Variants in INPP5A observed in about 807,000 individuals in gnomAD.
INPP5A encodes 43 kDa inositol polyphosphate 5-phophatase.
A neutral mutation model predicts 65.2 loss-of-function variants in INPP5A; 14 were observed. The ratio of observed to expected loss-of-function variants is 0.21; its 90% CI spans 0.14 to 0.34. The LOEUF (loss-of-function observed/expected upper bound fraction) is 0.34, where lower values mean the gene tolerates loss of function less well. Among genes scored for constraint, INPP5A ranks in the 10% least tolerant of loss-of-function variants. The pLI is 1.00. For synonymous variants in INPP5A, 207 were observed against 208.3 expected, an observed-to-expected ratio of 0.99 and a Z score of 0.05; for missense variants, 431 against 545.6, an observed-to-expected ratio of 0.79 and a Z score of 2.09.
chr10:132,622,044 G>A lies in INPP5A; in HGVS notation c.117+14088G>A, dbSNP rs73401209. On this transcript the variant is annotated intron_variant, in intron 2 of 15. Coordinates refer to ENST00000368594, the MANE Select transcript of INPP5A (RefSeq NM_005539.5). ...TAAAACTTTACTATTACTATTAAGT[G>A]GATTTATTTAGTTTTCAACATACAA... Among the ~76,000 whole-genome samples, 434 of 152,216 alleles carry A rather than the reference G, an allele frequency of 2.9e-3. 2 individuals are homozygous for A. Among genetic ancestry groups the A allele is most frequent in the African/African-American group, 1.0e-2 (415 of 41,532 alleles).
chr10:132,695,865 G>T (rs1342767572), intron 5 of INPP5A, among the ~76,000 whole-genome samples: 1 of 152,202 alleles, frequency 6.6e-6, no homozygotes, highest in East Asian at 1.9e-4. Context: ...AATGGAGAGA[G>T]ATTTCATCTT....
chr10:132,659,957 T>G lies in INPP5A; in HGVS notation c.306+9452T>G, dbSNP rs945608664. ...ATACAACACATGACACGCGGCATACTCCCTGTGACATGGCACATGACACGT... is the reference window on the plus strand; with the variant it reads ...ATACAACACATGACACGCGGCATACGCCCTGTGACATGGCACATGACACGT... On this transcript the variant is annotated intron_variant, in intron 4 of 15. Coordinates refer to ENST00000368594, the MANE Select transcript of INPP5A (RefSeq NM_005539.5). The surrounding 1 kb of genome is among the most constrained non-coding windows in gnomAD (Gnocchi z 5.5). Among the ~76,000 whole-genome samples the G allele has an allele frequency of 6.6e-6, 1 of 152,218 alleles. No individual in the cohort carries two copies. Among genetic ancestry groups the G allele is most frequent in the Non-Finnish European group, 1.5e-5 (1 of 68,034 alleles).
chr10:132,755,638 G>T (rs1191256101), intron 11 of INPP5A, among the ~76,000 whole-genome samples: 2 of 151,914 alleles, frequency 1.3e-5, no homozygotes, highest in East Asian at 3.9e-4. Context: ...GTGTGAGCAG[G>T]CGTGTGCATG....
rs1193535035 is a variant in INPP5A at position 132,650,341 on chromosome 10, T to C, written c.219-77T>C. ...ATGTACCTATGTGCTGGAGCCCCTC[T>C]TATACCTTGTGGTCATCTCATGAGG... On this transcript the variant is annotated intron_variant, in intron 3 of 15. Coordinates refer to ENST00000368594, the MANE Select transcript of INPP5A (RefSeq NM_005539.5). This position sits in a 1 kb window ranked among gnomAD's most constrained non-coding sequence, Gnocchi z 5.5. The C allele has an allele frequency of 4.1e-5, 39 of 956,448 alleles. No individual in the cohort carries two copies. Among genetic ancestry groups the C allele is most frequent in the Non-Finnish European group, 6.5e-5 (38 of 586,066 alleles). 59.2% of individuals were successfully genotyped at this position (956,448 alleles called of 1,614,324 possible).
intron 2 of INPP5A, among the ~76,000 whole-genome samples, chr10:132,621,744 T>C (rs1423131120): frequency 1.3e-5 from 2 of 151,628 alleles, no homozygotes; most frequent in Non-Finnish European, 2.9e-5. Flanking sequence ...CCTTTGTCCA[T>C]AAGGAATTAC....
At chr10:132,597,605 C>T (rs898010500) in intron 1 of INPP5A, among the ~76,000 whole-genome samples, 4 of 152,184 alleles carry the variant, frequency 2.6e-5, no homozygotes, top group Admixed American at 2.0e-4. Context: ...TGTTTATATG[C>T]AGAGCGGTTG....
In INPP5A at chr10:132,538,239, C is replaced by T; in HGVS notation, c.75+68C>T. The T allele has an allele frequency of 1.0e-6, 1 of 958,408 alleles. No individual in the cohort carries two copies. The highest frequency in any genetic ancestry group is 1.3e-6 in the Non-Finnish European group (1 of 742,372). 59.4% of individuals were successfully genotyped at this position (958,408 alleles called of 1,614,324 possible). A position where few individuals can be genotyped will look rare whatever the true frequency, so the allele number is the denominator to read the frequency against. On this transcript the variant is annotated intron_variant, in intron 1 of 15. Transcript: ENST00000368594. The surrounding 1 kb of genome is among the most constrained non-coding windows in gnomAD (Gnocchi z 4.1). ...CCGACCCTGACCCCGGGGTCCCGAA[C>T]TGCAAGCCTTGGACCCTGGACCGTG... is the stretch of plus-strand genomic sequence containing the variant.
intron 1 of INPP5A, among the ~76,000 whole-genome samples, chr10:132,539,219 T>C (rs2070879348): frequency 6.6e-6 from 1 of 152,180 alleles, no homozygotes; most frequent in African/African-American, 2.4e-5. Context: ...CAGCCCCAGC[T>C]CCTGGATGCC....
intron 9 of INPP5A, among the ~76,000 whole-genome samples, chr10:132,745,297 C>G (rs1846348996): frequency 6.6e-6 from 1 of 152,198 alleles, no homozygotes; most frequent in Admixed American, 6.5e-5. Flanking sequence ...GTCCCTGTTG[C>G]CAGGCTCTGG....
chr10:132,757,281 G>T (rs1174652248), intron 11 of INPP5A, among the ~76,000 whole-genome samples: 13 of 152,174 alleles, frequency 8.5e-5, no homozygotes, highest in Non-Finnish European at 1.6e-4. Flanking sequence ...ACCCCCGCCC[G>T]CTCACCAGCT....
chr10:132,765,925 G>C (rs572611514), intron 12 of INPP5A, 79 bp downstream of exon 12: 1 of 820,676 alleles, frequency 1.2e-6, no homozygotes. Flanking sequence ...GTGCATCTGC[G>C]TGTCTGTGTG....
chr10:132,629,515 G>A (rs561218318), intron 2 of INPP5A, among the ~76,000 whole-genome samples: 5 of 152,328 alleles, frequency 3.3e-5, no homozygotes, highest in African/African-American at 9.6e-5. Flanking sequence ...GTGGGGCGAC[G>A]GGAGACCTGA....
chr10:132,663,626 C>T lies in INPP5A; in HGVS notation c.306+13121C>T, dbSNP rs1056548721. Among the ~76,000 whole-genome samples, 4 of 152,216 alleles carry T rather than the reference C, an allele frequency of 2.6e-5. No homozygotes were observed. Among genetic ancestry groups the T allele is most frequent in the African/African-American group, 9.7e-5 (4 of 41,450 alleles). The stretch of plus-strand genomic sequence containing the variant: ...GACGTTCACCTGTACTTTCTCTGCA[C>T]TCTGAGCCGGCAGGTGCCACTTCTA... On this transcript the variant is annotated intron_variant, in intron 4 of 15. Transcript: ENST00000368594. The surrounding 1 kb of genome is among the most constrained non-coding windows in gnomAD (Gnocchi z 4.5).
chr10:132,644,197 C>T lies in INPP5A; in HGVS notation c.118-1671C>T, dbSNP rs899516056. ...GGCCTGAAGGCAGTGGGCTGTCTGGCCTCCTGAGTGCCCGGGGAGCCCACG... is the reference window on the plus strand; with the variant it reads ...GGCCTGAAGGCAGTGGGCTGTCTGGTCTCCTGAGTGCCCGGGGAGCCCACG... On this transcript the variant is annotated intron_variant, in intron 2 of 15. Coordinates refer to ENST00000368594, the MANE Select transcript of INPP5A (RefSeq NM_005539.5). The surrounding 1 kb of genome is among the most constrained non-coding windows in gnomAD (Gnocchi z 6.5). Among the ~76,000 whole-genome samples, 7 of 152,354 alleles carry T rather than the reference C, an allele frequency of 4.6e-5. No individual in the cohort carries two copies. Among genetic ancestry groups the T allele is most frequent in the African/African-American group, 1.7e-4 (7 of 41,582 alleles).
chr10:132,768,934 A>G (rs1424943311), intron 12 of INPP5A, among the ~76,000 whole-genome samples: 1 of 152,212 alleles, frequency 6.6e-6, no homozygotes, highest in African/African-American at 2.4e-5. Flanking sequence ...AAGGCACCTT[A>G]TCAGCATTGG....
intron 2 of INPP5A, among the ~76,000 whole-genome samples, chr10:132,642,737 T>C (rs1387600493): frequency 1.3e-5 from 2 of 152,124 alleles, no homozygotes; most frequent in African/African-American, 4.8e-5. Flanking sequence ...GGACCGTTTG[T>C]CAATAACTGC....
At position 132,712,711 on chromosome 10, in the gene INPP5A, T is replaced by G. The variant is rs140946351; in HGVS notation, c.647+2255T>G. Among the ~76,000 whole-genome samples, 909 of 151,356 alleles carry G rather than the reference T, an allele frequency of 6.0e-3. 10 individuals carry two copies. Among genetic ancestry groups the G allele is most frequent in the African/African-American group, 0.021 (878 of 41,116 alleles). Reference sequence around the variant, plus strand: ...GGGTATATGCATGTGTGGGTGCATGTGAGTGCAGGTGTATGCATGTGTAGG... The same window carrying G: ...GGGTATATGCATGTGTGGGTGCATGGGAGTGCAGGTGTATGCATGTGTAGG... On this transcript the variant is annotated intron_variant, in intron 8 of 15. Transcript: ENST00000368594.
At chr10:132,635,983 CA>C (rs202003054) in intron 2 of INPP5A, among the ~76,000 whole-genome samples, 1,068 of 49,240 alleles carry the variant, frequency 0.022, 9 homozygotes, top group African/African-American at 0.046. Flanking sequence ...ATCTCAAAGA[CA>C]AAAAAAAAAA....
intron 1 of INPP5A, among the ~76,000 whole-genome samples, chr10:132,565,615 A>G (rs1365305962): frequency 2.0e-5 from 3 of 151,866 alleles, no homozygotes; most frequent in African/African-American, 7.3e-5. Context: ...CTGTGTGTGC[A>G]TGTGTGTATG....
Sources: gnomAD v4.1 joint callset for allele counts (sites outside exome capture counted in the v4.1 genomes callset) on GRCh38, gnomAD v4.1.1 for gene constraint, Gnocchi (gnomAD v3.1) non-coding constraint, MANE v1.5 for transcripts, NCBI Gene and HGNC (gene_info 2026-07-23, HGNC 2026-07-21) for gene names.